Variants in SUCO observed in about 807,000 individuals in gnomAD.
The protein encoded by SUCO is SUN domain-containing ossification factor.
In SUCO, 57 loss-of-function variants were observed where a neutral mutation model predicts 148.1. The observed-to-expected ratio is 0.38, with a 90% CI of 0.31 to 0.48. SUCO has a LOEUF of 0.48. SUCO is among the 20% of genes least tolerant of loss of function. SUCO has a pLI of 0.96. For missense variants in SUCO, 1,331 were observed against 1,468.2 expected, an observed-to-expected ratio of 0.91 and a Z score of 1.53; for synonymous variants, 470 against 502.7, an observed-to-expected ratio of 0.93 and a Z score of 0.87.
intron 1 of SUCO, among the ~76,000 whole-genome samples, chr1:172,546,799 T>C (rs1281707349): frequency 6.6e-6 from 1 of 152,126 alleles, no homozygotes; most frequent in Non-Finnish European, 1.5e-5. Flanking sequence ...GTCCCAGCTA[T>C]TCTGGAGGCT....
chr1:172,536,249 C>G (rs1652004001), intron 1 of SUCO, among the ~76,000 whole-genome samples: 4 of 150,784 alleles, frequency 2.7e-5, no homozygotes, highest in Admixed American at 2.6e-4. Flanking sequence ...AGCACAGGCT[C>G]CTGAGTACTT....
rs773143898 is a variant in SUCO at position 172,589,488 on chromosome 1, CAAAT to C, written c.2391_2394del (p.Asn797LysfsTer5). 5.6e-6 allele frequency: 9 copies of C among 1,610,764 alleles called. No individual in the cohort carries two copies. Among genetic ancestry groups the C allele is most frequent in the African/African-American group, 1.3e-5 (1 of 74,548 alleles). On this transcript the variant is annotated frameshift_variant, in exon 18 of 24. Coordinates refer to ENST00000263688, the MANE Select transcript of SUCO (RefSeq NM_014283.5). LOFTEE classifies it high-confidence loss of function. ...GAGAAACCATCTATTACCTATGAAA[CAAAT>C]AAAGTTAATGAGTTAATGGATAATA...
intron 1 of SUCO, among the ~76,000 whole-genome samples, chr1:172,544,986 A>G (rs1243998788): frequency 6.6e-6 from 1 of 152,122 alleles, no homozygotes; most frequent in Non-Finnish European, 1.5e-5. Context: ...GGCAGTCAGA[A>G]TGGGGATTGA....
At chr1:172,606,195 T>C (rs1657853939) in intron 22 of SUCO, among the ~76,000 whole-genome samples, 1 of 151,652 alleles carries the variant, frequency 6.6e-6, no homozygotes, top group Non-Finnish European at 1.5e-5. Flanking sequence ...TCTATATGAA[T>C]AAGATTGGCA....
rs140136938 is a variant in SUCO at position 172,543,474 on chromosome 1, A to T, written c.63-8038A>T. The stretch of plus-strand genomic sequence containing the variant: ...TCCAGCATCTTAGAGGACAAATTGT[A>T]TTGGCTGAATTTCTAATGGTAGGTT... On this transcript the variant is annotated intron_variant, in intron 1 of 23. Coordinates refer to ENST00000263688, the MANE Select transcript of SUCO (RefSeq NM_014283.5). Among the ~76,000 whole-genome samples, 1,256 of 152,308 alleles carry T rather than the reference A, an allele frequency of 8.2e-3. 18 individuals carry two copies. The highest frequency in any genetic ancestry group is 0.028 in the African/African-American group (1,182 of 41,570).
intron 1 of SUCO, among the ~76,000 whole-genome samples, 155 bp from the exon 2 acceptor site, chr1:172,551,357 C>T (rs1450337866): frequency 1.3e-5 from 2 of 151,968 alleles, no homozygotes; most frequent in African/African-American, 4.8e-5. Context: ...TATTGATTTT[C>T]GTCATTAAAT....
intron 10 of SUCO, among the ~76,000 whole-genome samples, chr1:172,575,115 G>A (rs1655338698): frequency 6.6e-6 from 1 of 152,122 alleles, no homozygotes; most frequent in Middle Eastern, 3.4e-3. Flanking sequence ...AAACTCAGAT[G>A]TGGTTTTAAA....
chr1:172,560,133 T>C (rs1654044336), intron 6 of SUCO, among the ~76,000 whole-genome samples: 1 of 152,214 alleles, frequency 6.6e-6, no homozygotes, highest in Non-Finnish European at 1.5e-5. Context: ...TGTGCTAACG[T>C]TATCTTTACC....
intron 4 of SUCO, chr1:172,556,552 T>A (rs1406964237): frequency 2.1e-6 from 2 of 949,962 alleles, no homozygotes; most frequent in Non-Finnish European, 2.5e-6. Flanking sequence ...AAAATGTCCT[T>A]CTCTTAATAC....
chr1:172,574,951 A>G lies in SUCO; in HGVS notation c.1158-567A>G, dbSNP rs143961444. The stretch of plus-strand genomic sequence containing the variant: ...CAATTTTCTTATATGTCAAATGAAC[A>G]TACACAGCTCTGATAAGTAAAGTGT... On this transcript the variant is annotated intron_variant, in intron 10 of 23. Transcript: ENST00000263688. 526 of 929,378 alleles carry G rather than the reference A, an allele frequency of 5.7e-4. 3 individuals are homozygous for G. The African/African-American group carries it at 8.8e-3, about 16-fold the overall frequency. 57.6% of individuals were successfully genotyped at this position (929,378 alleles called of 1,614,324 possible). A position where few individuals can be genotyped will look rare whatever the true frequency, so the allele number is the denominator to read the frequency against.
In SUCO at chr1:172,551,631, C is replaced by T; in HGVS notation, c.177+5C>T. The T allele has an allele frequency of 6.4e-7, 1 of 1,563,886 alleles. No individual in the cohort carries two copies. Among genetic ancestry groups the T allele is most frequent in the East Asian group, 2.3e-5 (1 of 44,026 alleles). On this transcript the variant is annotated splice_donor_5th_base_variant and intron_variant, in intron 2 of 23. Transcript: ENST00000263688. ...GATGTACAATTCCAGAAAAAGGTGCCTTAAATAAAGTTAACATTATAATTT... is the reference window on the plus strand; with the variant it reads ...GATGTACAATTCCAGAAAAAGGTGCTTTAAATAAAGTTAACATTATAATTT...
Position 172,557,745 on chromosome 1 carries a change from G to A in SUCO, c.683G>A (p.Gly228Asp). Residue 228 changes from glycine (G) to aspartate (D), a missense_variant, in exon 6 of 24, where the codon GGT (glycine) becomes GAT (aspartate). Transcript: ENST00000263688. The part of the protein sequence containing the change: ...ESKVSASEQG[G>D]GDPKSALNAS... The stretch of plus-strand genomic sequence containing the variant: ...AAAGTTTCAGCAAGTGAACAGGGCG[G>A]TGGTGATCCAAAATCTGCATTGAAT... 1 of 1,609,930 alleles carries A rather than the reference G, an allele frequency of 6.2e-7. No individual in the cohort carries two copies. The highest frequency in any genetic ancestry group is 8.5e-7 in the Non-Finnish European group (1 of 1,178,964).
rs755001181 is a variant in SUCO, at chr1:172,589,388, C to G, written c.2287C>G (p.Pro763Ala). ...VEYEAGHIPS[P>A]VIPQESSVEI... ...ATATGAGGCAGGACATATACCATCA[C>G]CAGTGATTCCCCAAGAGAGTTCTGT... Residue 763 changes from proline to alanine, a missense_variant, in exon 18 of 24, where the codon CCA becomes GCA. Around this residue, in one of 3 missense-constraint regions of SUCO, gnomAD observed 992 missense variants for 1,093.5 expected, o/e 0.91. Coordinates refer to ENST00000263688, the MANE Select transcript of SUCO (RefSeq NM_014283.5). 3 of 1,613,660 alleles carry G rather than the reference C, an allele frequency of 1.9e-6. No homozygotes were observed. The Admixed American group carries it at 5.0e-5, about 27-fold the overall frequency.
intron 6 of SUCO, chr1:172,568,586 A>G (rs1017914047): frequency 3.7e-6 from 1 of 266,964 alleles, no homozygotes; most frequent in Admixed American, 6.5e-5. Flanking sequence ...TTTTGTGTAC[A>G]CAGTGTTTCT....
chr1:172,575,713 A>G (rs1425507753), intron 11 of SUCO, 90 bp downstream of exon 11: 10 of 859,590 alleles, frequency 1.2e-5, no homozygotes, highest in Non-Finnish European at 1.8e-5. Flanking sequence ...GAAATCAGAA[A>G]AGTTAAGAAA....
At chr1:172,539,894 TGTATATAA>T (rs557458970) in intron 1 of SUCO, among the ~76,000 whole-genome samples, 130 of 152,330 alleles carry the variant, frequency 8.5e-4, no homozygotes, top group African/African-American at 2.9e-3. Context: ...ACTTGAGCTC[TGTATATAA>T]GCTGCTTGTT....
chr1:172,532,522 C>G (rs1360716672), upstream of SUCO: 1 of 1,613,692 alleles, frequency 6.2e-7, no homozygotes. Context: ...CAACATCTAG[C>G]TCAATGGGGC....
At chr1:172,594,435 G>C (rs932280393) in intron 19 of SUCO, among the ~76,000 whole-genome samples, 6 of 151,978 alleles carry the variant, frequency 3.9e-5, no homozygotes, top group African/African-American at 1.2e-4. Flanking sequence ...AAATTTCCCT[G>C]TACACACTGC....
rs1383858557 is a variant in SUCO, at chr1:172,589,946, A to G, written c.2825+20A>G. ...CCAAAGGTAAGCTTTATTATGAATT[A>G]GCACAGTCAGCTTCACACAGTGAGT... On this transcript the variant is annotated intron_variant, in intron 18 of 23. Coordinates refer to ENST00000263688, the MANE Select transcript of SUCO (RefSeq NM_014283.5). The G allele has an allele frequency of 1.3e-6, 2 of 1,505,328 alleles. No individual in the cohort carries two copies. Among genetic ancestry groups the G allele is most frequent in the South Asian group, 2.7e-5 (2 of 73,836 alleles). 93.2% of individuals were successfully genotyped at this position (1,505,328 alleles called of 1,614,324 possible). A position where few individuals can be genotyped will look rare whatever the true frequency, so the allele number is the denominator to read the frequency against.
Sources: allele counts gnomAD v4.1 joint callset (sites outside exome capture counted in the v4.1 genomes callset), GRCh38; gene constraint gnomAD v4.1.1; regional missense constraint gnomAD v4.1.1; transcripts MANE v1.5; gene names NCBI Gene and HGNC (gene_info 2026-07-23, HGNC 2026-07-21).